The following GLI2 variants were observed in gnomAD, a reference collection of about 807,000 sequenced individuals.
GLI2 encodes transcription activator GLI2.
GLI2 carries 22 observed loss-of-function variants against 78.9 expected under a neutral mutation model. The ratio of observed to expected loss-of-function variants is 0.28; its 90% CI spans 0.20 to 0.40. GLI2 has a LOEUF of 0.40. GLI2 is among the 10% of genes least tolerant of loss of function. GLI2 has a pLI of 1.00. For synonymous variants in GLI2, 974 were observed against 963.7 expected (o/e 1.01, Z -0.20); for missense variants, 2,097 against 2,213.2 (o/e 0.95, Z 1.05).
At chr2:120,895,380 T>C (rs1167364892) in intron 2 of GLI2, among the ~76,000 whole-genome samples, 1 of 152,086 alleles carries the variant, frequency 6.6e-6, no homozygotes, top group African/African-American at 2.4e-5. Context: ...CTCCTTAGAA[T>C]TGGGGTGAAT....
At chr2:120,835,736 C>T (rs937426674) in intron 2 of GLI2, among the ~76,000 whole-genome samples, 3 of 152,060 alleles carry the variant, frequency 2.0e-5, no homozygotes, top group Non-Finnish European at 4.4e-5. Context: ...AGTATCTTAC[C>T]TTGGCATGTC....
chr2:120,902,503 G>A (rs544363715), intron 2 of GLI2, among the ~76,000 whole-genome samples: 63 of 152,328 alleles, frequency 4.1e-4, no homozygotes, highest in African/African-American at 1.4e-3. Context: ...AGATTCCCCA[G>A]AGTGTGCAAA....
intron 1 of GLI2, among the ~76,000 whole-genome samples, chr2:120,748,852 T>G (rs1682773679): frequency 7.6e-6 from 1 of 131,412 alleles, no homozygotes; most frequent in Admixed American, 7.7e-5. Context: ...GATCTTGCAT[T>G]CTCCATCCAT....
At chr2:120,741,692 G>A (rs924382944) in intron 1 of GLI2, among the ~76,000 whole-genome samples, 1 of 152,156 alleles carries the variant, frequency 6.6e-6, no homozygotes, top group Middle Eastern at 3.4e-3. Context: ...TGGCTGGCGA[G>A]GCCGCGTGTC....
intron 2 of GLI2, among the ~76,000 whole-genome samples, chr2:120,807,941 T>C (rs1388435847): frequency 6.6e-6 from 1 of 152,086 alleles, no homozygotes; most frequent in African/African-American, 2.4e-5. Context: ...AGGGGCTCTG[T>C]CTTGAGAAGC....
At chr2:120,845,197 C>T (rs1233548136) in intron 2 of GLI2, among the ~76,000 whole-genome samples, 8 of 152,050 alleles carry the variant, frequency 5.3e-5, no homozygotes, top group East Asian at 1.9e-4. Flanking sequence ...CACTTGAACC[C>T]GGGAGGTGGA....
chr2:120,868,231 T>A (rs1688247534), intron 2 of GLI2, among the ~76,000 whole-genome samples: 7 of 151,940 alleles, frequency 4.6e-5, no homozygotes, highest in Admixed American at 4.6e-4. Context: ...CACGGTTACT[T>A]AGAAAAACAT....
In GLI2 at chr2:120,951,226, G is replaced by A; in HGVS notation, c.255-17G>A. ...TCTGTGTCCTCCTTCTTAGACGGCT[G>A]CCCATTGTCTCTGCAGGCCCCCTGC... On this transcript the variant is annotated splice_polypyrimidine_tract_variant and intron_variant, in intron 3 of 13. Coordinates refer to ENST00000361492, the MANE Select transcript of GLI2 (RefSeq NM_001374353.1). The A allele has an allele frequency of 6.7e-7, 1 of 1,484,580 alleles. No homozygotes were observed. The highest frequency in any genetic ancestry group is 9.4e-7 in the Non-Finnish European group (1 of 1,061,892). 92.0% of individuals were successfully genotyped at this position (1,484,580 alleles called of 1,614,324 possible).
At chr2:120,970,068 G>A (rs947829255) in intron 6 of GLI2, among the ~76,000 whole-genome samples, 12 of 152,192 alleles carry the variant, frequency 7.9e-5, no homozygotes, top group Non-Finnish European at 1.6e-4. Flanking sequence ...TAGTCAGGGA[G>A]CAGCGATACA....
intron 1 of GLI2, among the ~76,000 whole-genome samples, chr2:120,753,894 C>A (rs1463351235): frequency 6.9e-6 from 1 of 144,430 alleles, no homozygotes; most frequent in African/African-American, 2.6e-5. Context: ...CCAGCCTGGG[C>A]GACAGAGGGA....
At position 120,756,777 on chromosome 2, in the gene GLI2, T is replaced by G. The variant is rs533247425; in HGVS notation, c.-31+20492T>G. 1.9e-4 allele frequency among the ~76,000 whole-genome samples: 29 copies of G among 152,322 alleles called. No individual in the cohort carries two copies. The East Asian group carries it at 5.0e-3, about 26-fold the overall frequency. On this transcript the variant is annotated intron_variant, in intron 1 of 13. Coordinates refer to ENST00000361492, the MANE Select transcript of GLI2 (RefSeq NM_001374353.1). ...TTTGTTCTGGCTGCTTTTATGATTT[T>G]CTGTGGGTTTGTAGTTTTTATCAAA...
chr2:120,869,120 T>G (rs1244805067), intron 2 of GLI2, among the ~76,000 whole-genome samples: 5 of 114,636 alleles, frequency 4.4e-5, no homozygotes, highest in Admixed American at 1.9e-4. Flanking sequence ...GGCAGGGAGG[T>G]CACAGAGGAG....
intron 3 of GLI2, among the ~76,000 whole-genome samples, chr2:120,949,732 G>A (rs1167168422): frequency 5.3e-5 from 8 of 152,196 alleles, no homozygotes; most frequent in Non-Finnish European, 1.0e-4. Context: ...GCTGAAGCTA[G>A]ACAACCAAAC....
intron 2 of GLI2, among the ~76,000 whole-genome samples, chr2:120,879,870 C>T (rs1677029153): frequency 6.6e-6 from 1 of 152,220 alleles, no homozygotes; most frequent in Admixed American, 6.5e-5. Flanking sequence ...AGAAGCCAGC[C>T]AGTCATTTTC....
chr2:120,871,311 C>T (rs1176503519), intron 2 of GLI2, among the ~76,000 whole-genome samples: 1 of 99,542 alleles, frequency 1.0e-5, no homozygotes, highest in East Asian at 4.7e-4. Context: ...CTGGTGCCCA[C>T]ACAGCTGTGC....
intron 1 of GLI2, among the ~76,000 whole-genome samples, chr2:120,783,489 A>G (rs535315362): frequency 6.6e-6 from 1 of 152,142 alleles, no homozygotes; most frequent in South Asian, 2.1e-4. Context: ...AAGCCTTCAA[A>G]AGGCCACGGG....
At chr2:120,874,140 G>A (rs1688608368) in intron 2 of GLI2, among the ~76,000 whole-genome samples, 4 of 152,128 alleles carry the variant, frequency 2.6e-5, no homozygotes, top group Admixed American at 2.0e-4. Context: ...TCAACCGCCT[G>A]GTGCCTCCTT....
intron 5 of GLI2, among the ~76,000 whole-genome samples, chr2:120,955,835 T>G (rs1275817221): frequency 1.3e-5 from 2 of 152,080 alleles, no homozygotes; most frequent in South Asian, 4.2e-4. Context: ...CACTGGGAAG[T>G]TGAAATCTGG....
chr2:120,753,956 A>T (rs1451065036), intron 1 of GLI2, among the ~76,000 whole-genome samples: 1 of 151,588 alleles, frequency 6.6e-6, no homozygotes, highest in Non-Finnish European at 1.5e-5. Flanking sequence ...TGCTTCTCAC[A>T]TGTTACAAAC....
Sources: allele counts gnomAD v4.1 joint callset (sites outside exome capture counted in the v4.1 genomes callset), GRCh38; gene constraint gnomAD v4.1.1; transcripts MANE v1.5; gene names NCBI Gene and HGNC (gene_info 2026-07-23, HGNC 2026-07-21).